The following KIAA1217 variants were observed in gnomAD, a reference collection of about 807,000 sequenced individuals.
KIAA1217 encodes the protein KIAA1217, also known as sickle tail protein homolog.
Under a neutral mutation model 163.9 loss-of-function variants are expected in KIAA1217, and 88 were observed. The ratio of observed to expected loss-of-function variants is 0.54; its 90% CI spans 0.45 to 0.64. The LOEUF is 0.64. Among genes scored for constraint, KIAA1217 ranks in the 30% least tolerant of loss-of-function variants. KIAA1217 has a pLI of 0.00. For missense variants in KIAA1217, 2,372 were observed against 2,475.0 expected (o/e 0.96, Z 0.88); for synonymous variants, 903 against 923.1 (o/e 0.98, Z 0.39).
chr10:24,130,434 T>G (rs141242453), intron 2 of KIAA1217, among the ~76,000 whole-genome samples: 1 of 152,350 alleles, frequency 6.6e-6, no homozygotes, highest in East Asian at 1.9e-4. Context: ...AAGTTTCATG[T>G]CCTGTAGCAT....
chr10:23,772,850 C>T (rs1462021211), intron 1 of KIAA1217, among the ~76,000 whole-genome samples: 1 of 152,184 alleles, frequency 6.6e-6, no homozygotes, highest in Non-Finnish European at 1.5e-5. Context: ...TATACACAAA[C>T]AAGGATCGCT....
At chr10:23,800,234 G>A (rs1836406401) in intron 1 of KIAA1217, among the ~76,000 whole-genome samples, 1 of 152,144 alleles carries the variant, frequency 6.6e-6, no homozygotes, top group Admixed American at 6.5e-5. Flanking sequence ...CTCTGTTTAT[G>A]TATATGATGA....
At chr10:24,056,593 G>A (rs184771803) in intron 2 of KIAA1217, among the ~76,000 whole-genome samples, 1 of 152,200 alleles carries the variant, frequency 6.6e-6, no homozygotes, top group African/African-American at 2.4e-5. Context: ...CTACCTGGAG[G>A]CAGAAAATGA....
At position 24,374,349 on chromosome 10, in the gene KIAA1217, A is replaced by C. The variant is rs1197259197; in HGVS notation, c.355-6520A>C. Among the ~76,000 whole-genome samples the C allele has an allele frequency of 3.9e-5, 6 of 152,180 alleles. 1 individual carries two copies. In the South Asian group the frequency reaches 8.3e-4, roughly 21 times the overall value. ...ACTAGTCATCCTGGCAAGTATCCAC[A>C]AACTGCTCACATCCAGCATCCAGAT... On this transcript the variant is annotated intron_variant, in intron 2 of 20. Transcript: ENST00000376454.
intron 1 of KIAA1217, among the ~76,000 whole-genome samples, chr10:23,862,521 C>A (rs890548846): frequency 6.6e-6 from 1 of 152,068 alleles, no homozygotes; most frequent in African/African-American, 2.4e-5. Context: ...AGCCGAATGT[C>A]TCTCAGGAGT....
At chr10:23,864,518 A>G (rs1198440527) in intron 1 of KIAA1217, among the ~76,000 whole-genome samples, 1 of 51,798 alleles carries the variant, frequency 1.9e-5, no homozygotes, top group African/African-American at 5.2e-5. Flanking sequence ...CTCAGTACAC[A>G]CACCAACACA....
intron 1 of KIAA1217, among the ~76,000 whole-genome samples, chr10:23,893,766 C>A (rs1353612830): frequency 6.6e-6 from 1 of 152,052 alleles, no homozygotes; most frequent in African/African-American, 2.4e-5. Context: ...CCAAATCCAG[C>A]AGCACATCAA....
chr10:23,755,674 G>A lies in KIAA1217; in HGVS notation c.-321+60440G>A, dbSNP rs997340724. ...GGGGGAGAAGACTTAATAGGTTATT[G>A]TGGAAGGAAAAAATAGAAATGTCAA... On this transcript the variant is annotated intron_variant, in intron 1 of 18. Coordinates refer to the KIAA1217 transcript ENST00000376462. Among the ~76,000 whole-genome samples the A allele has an allele frequency of 3.3e-5, 5 of 152,150 alleles. No individual in the cohort carries two copies. In the East Asian group the frequency reaches 5.8e-4, roughly 18 times the overall value.
chr10:24,328,686 A>G (rs2045266726), intron 2 of KIAA1217, among the ~76,000 whole-genome samples: 1 of 152,046 alleles, frequency 6.6e-6, no homozygotes, highest in African/African-American at 2.4e-5. Flanking sequence ...TAACCGCAAA[A>G]TATCCTCACA....
chr10:23,735,275 C>T (rs780554225), intron 1 of KIAA1217, among the ~76,000 whole-genome samples: 49 of 151,836 alleles, frequency 3.2e-4, no homozygotes, highest in Non-Finnish European at 5.0e-4. Context: ...GCTCTCTCTC[C>T]GGGGCTGGAG....
chr10:24,196,285 G>A (rs1167020090), intron 2 of KIAA1217, among the ~76,000 whole-genome samples: 1 of 152,164 alleles, frequency 6.6e-6, no homozygotes, highest in Non-Finnish European at 1.5e-5. Context: ...CAGTGTCTCT[G>A]GTCACAGTGC....
At chr10:23,705,857 T>C (rs905562931) in intron 1 of KIAA1217, among the ~76,000 whole-genome samples, 4 of 152,178 alleles carry the variant, frequency 2.6e-5, no homozygotes, top group African/African-American at 4.8e-5. Context: ...TGGGAAGTAA[T>C]GTCATCTTAA....
At chr10:23,835,532 T>C (rs1348640345) in intron 1 of KIAA1217, among the ~76,000 whole-genome samples, 1 of 152,192 alleles carries the variant, frequency 6.6e-6, no homozygotes, top group East Asian at 1.9e-4. Context: ...AAGGTGATAA[T>C]TATTTCTTTG....
chr10:23,850,156 C>T (rs1192225140), intron 1 of KIAA1217, among the ~76,000 whole-genome samples: 2 of 152,044 alleles, frequency 1.3e-5, no homozygotes, highest in East Asian at 3.9e-4. Context: ...CCACAGGTGC[C>T]TTATTGTTCT....
chr10:24,011,407 G>A (rs975638332), intron 2 of KIAA1217, among the ~76,000 whole-genome samples: 1 of 151,984 alleles, frequency 6.6e-6, no homozygotes, highest in Non-Finnish European at 1.5e-5. Flanking sequence ...GGATCACTTG[G>A]GCCTAGGAGT....
At chr10:23,810,936 CTATAGTATATATTATATAATATA>C (rs1161780382) in intron 1 of KIAA1217, among the ~76,000 whole-genome samples, 295 of 110,258 alleles carry the variant, frequency 2.7e-3, no homozygotes, top group African/African-American at 0.011. Flanking sequence ...AGTATATATA[CTATAGTATATATTATATAATATA>C]TATAGTATAT....
chr10:23,916,131 TC>T (rs1842625513), intron 1 of KIAA1217, among the ~76,000 whole-genome samples: 1 of 152,308 alleles, frequency 6.6e-6, no homozygotes, highest in East Asian at 1.9e-4. Flanking sequence ...CAGATTGTCT[TC>T]TTGCCCTATT....
chr10:24,289,237 G>A lies in KIAA1217; in HGVS notation c.354+69328G>A, dbSNP rs150422748. ...AAGAGCTGGTTCAGTGGAGGGCACG[G>A]GCACTGGGGTGGTGACTGATTGAGA... is the stretch of plus-strand genomic sequence containing the variant. On this transcript the variant is annotated intron_variant, in intron 2 of 20. Transcript: ENST00000376454. Among the ~76,000 whole-genome samples, 1,327 of 152,304 alleles carry A rather than the reference G, an allele frequency of 8.7e-3. 22 individuals carry two copies. The highest frequency in any genetic ancestry group is 0.03 in the African/African-American group (1,253 of 41,544).
In KIAA1217 at chr10:24,451,286, T is replaced by G. The variant is rs140511028; in HGVS notation, c.846+12807T>G. Among the ~76,000 whole-genome samples the G allele has an allele frequency of 1.4e-4, 22 of 152,344 alleles. 1 individual carries two copies. Among genetic ancestry groups the G allele is most frequent in the South Asian group, 6.2e-4 (3 of 4,828 alleles). On this transcript the variant is annotated intron_variant, in intron 5 of 20. Coordinates refer to ENST00000376454, the MANE Select transcript of KIAA1217 (RefSeq NM_019590.5). ...TATCTTTGAATGGAGACTGGCTAAC[T>G]GTGCCTGCCCACTGCCCTTCAGGCT...
Sources: allele counts gnomAD v4.1 joint callset (sites outside exome capture counted in the v4.1 genomes callset), GRCh38; gene constraint gnomAD v4.1.1; transcripts MANE v1.5; gene names NCBI Gene and HGNC (gene_info 2026-07-23, HGNC 2026-07-21).